The following EYS variants were observed in gnomAD, a reference collection of about 807,000 sequenced individuals.
EYS encodes EGF-like photoreceptor maintenance factor.
A neutral mutation model predicts 282.1 loss-of-function variants in EYS; 250 were observed. The observed-to-expected ratio is 0.89, with a 90% CI of 0.80 to 0.98. The LOEUF is 0.98. Ranked by LOEUF, EYS falls within the 50% of genes least tolerant of loss-of-function variation. The pLI, the probability that EYS is intolerant of heterozygous loss-of-function variation, is 0.00. For synonymous variants in EYS, 1,355 were observed against 1,282.9 expected (o/e 1.06, Z -1.20); for missense variants, 4,016 against 3,709.0 (o/e 1.08, Z -2.15).
At chr6:64,516,463 A>C (rs937818304) in intron 26 of EYS, among the ~76,000 whole-genome samples, 3 of 151,842 alleles carry the variant, frequency 2.0e-5, no homozygotes, top group African/African-American at 7.2e-5. Context: ...AGTTAAATAA[A>C]TTTTTCAAAA....
chr6:64,692,977 C>CTTTTTTTGTTTTTTTTTTT (rs1770441184), intron 22 of EYS, among the ~76,000 whole-genome samples: 1 of 11,496 alleles, frequency 8.7e-5, no homozygotes, highest in Admixed American at 1.9e-3. Flanking sequence ...GCTGCTTGGG[C>CTTTTTTTGTTTTTTTTTTT]TTTTTTTTTT....
At chr6:65,574,722 C>T (rs999895802) in intron 2 of EYS, among the ~76,000 whole-genome samples, 12 of 152,186 alleles carry the variant, frequency 7.9e-5, no homozygotes, top group African/African-American at 2.6e-4. Flanking sequence ...GACAGAAAAT[C>T]AGTAAGGAAA....
At chr6:64,896,599 G>A (rs1421758678) in intron 18 of EYS, among the ~76,000 whole-genome samples, 1 of 150,622 alleles carries the variant, frequency 6.6e-6, no homozygotes, top group East Asian at 2.0e-4. Flanking sequence ...CAGCAAGAGA[G>A]AACCCTTCAC....
chr6:63,738,495 C>T (rs1768985064), intron 41 of EYS, among the ~76,000 whole-genome samples: 1 of 149,226 alleles, frequency 6.7e-6, no homozygotes, highest in South Asian at 2.1e-4. Context: ...GAACAAAAAA[C>T]CAAACACCCC....
intron 7 of EYS, among the ~76,000 whole-genome samples, chr6:65,398,745 G>A (rs1448109916): frequency 6.6e-6 from 1 of 152,032 alleles, no homozygotes; most frequent in Non-Finnish European, 1.5e-5. Context: ...AAACATACTT[G>A]ATATCTACTT....
intron 2 of EYS, among the ~76,000 whole-genome samples, chr6:65,536,710 A>G (rs183315212): frequency 6.6e-5 from 10 of 152,266 alleles, no homozygotes; most frequent in Admixed American, 5.9e-4. Flanking sequence ...AAAATTAGAT[A>G]AGACCTCAAC....
chr6:65,095,750 C>A (rs940233071), intron 12 of EYS, among the ~76,000 whole-genome samples: 1 of 151,028 alleles, frequency 6.6e-6, no homozygotes, highest in Non-Finnish European at 1.5e-5. Context: ...ATTCAGCATG[C>A]TCTCATGGTA....
intron 31 of EYS, among the ~76,000 whole-genome samples, chr6:64,092,697 G>A (rs1228016224): frequency 6.6e-6 from 1 of 151,762 alleles, no homozygotes; most frequent in Non-Finnish European, 1.5e-5. Context: ...CTCCCATTTT[G>A]TAGGTTGCCT....
chr6:63,958,037 G>T (rs952639757), intron 35 of EYS, among the ~76,000 whole-genome samples: 4 of 140,400 alleles, frequency 2.8e-5, no homozygotes, highest in Non-Finnish European at 6.5e-5. Context: ...TCAAGAACAA[G>T]AATTTTCAAG....
At chr6:64,721,306 G>T (rs1480707831) in intron 22 of EYS, among the ~76,000 whole-genome samples, 2 of 152,144 alleles carry the variant, frequency 1.3e-5, no homozygotes, top group Non-Finnish European at 1.5e-5. Flanking sequence ...GGGCAGGAAG[G>T]TTCCAAAGGA....
intron 14 of EYS, among the ~76,000 whole-genome samples, chr6:64,982,513 T>TA (rs766611416): frequency 8.1e-4 from 123 of 151,382 alleles, no homozygotes; most frequent in Non-Finnish European, 1.4e-3. Context: ...TTTGGAAATA[T>TA]ATGAACAAAA....
chr6:65,390,831 C>A (rs1030023657), intron 7 of EYS, among the ~76,000 whole-genome samples: 2 of 151,938 alleles, frequency 1.3e-5, no homozygotes, highest in Non-Finnish European at 2.9e-5. Context: ...CTGACATGAG[C>A]TTGGTTCACA....
chr6:64,124,754 C>CATATAAATAA (rs1375420937), intron 31 of EYS, among the ~76,000 whole-genome samples: 1 of 152,104 alleles, frequency 6.6e-6, no homozygotes, highest in Non-Finnish European at 1.5e-5. Flanking sequence ...ATCATTGTAT[C>CATATAAATAA]ATATAAATAA....
At chr6:64,555,711 A>T (rs1479434450) in intron 26 of EYS, among the ~76,000 whole-genome samples, 1 of 152,008 alleles carries the variant, frequency 6.6e-6, no homozygotes, top group African/African-American at 2.4e-5. Context: ...TATAATAATG[A>T]AAATGATCAA....
At chr6:65,017,988 G>A (rs925101217) in intron 13 of EYS, among the ~76,000 whole-genome samples, 11 of 152,140 alleles carry the variant, frequency 7.2e-5, no homozygotes, top group Non-Finnish European at 1.5e-5. Context: ...ATGGTATGGA[G>A]CCAATAAACT....
At chr6:63,809,210 A>G (rs1770979281) in intron 36 of EYS, among the ~76,000 whole-genome samples, 3 of 152,224 alleles carry the variant, frequency 2.0e-5, no homozygotes, top group Admixed American at 6.5e-5. Flanking sequence ...CACTGTCTCT[A>G]TAACTCTGAA....
intron 31 of EYS, among the ~76,000 whole-genome samples, chr6:64,114,178 A>G (rs1005873759): frequency 6.6e-6 from 1 of 152,196 alleles, no homozygotes; most frequent in Admixed American, 6.5e-5. Flanking sequence ...ACATTGATAT[A>G]TAAGGTGCAA....
At chr6:64,466,312 G>A (rs1416590988) in intron 26 of EYS, among the ~76,000 whole-genome samples, 1 of 152,034 alleles carries the variant, frequency 6.6e-6, no homozygotes, top group Non-Finnish European at 1.5e-5. Flanking sequence ...CATGTTTATT[G>A]CAGCATTATT....
At chr6:65,071,179 C>G (rs372393631) in intron 12 of EYS, among the ~76,000 whole-genome samples, 5 of 151,482 alleles carry the variant, frequency 3.3e-5, no homozygotes, top group African/African-American at 1.2e-4. Flanking sequence ...GTAGTTATCA[C>G]TAACTTAAAA....
Sources: gnomAD v4.1 joint callset for allele counts (sites outside exome capture counted in the v4.1 genomes callset) on GRCh38, gnomAD v4.1.1 for gene constraint, MANE v1.5 for transcripts, NCBI Gene and HGNC (gene_info 2026-07-23, HGNC 2026-07-21) for gene names.